The following MRPL1 variants were observed in gnomAD, a reference collection of about 807,000 sequenced individuals.
MRPL1 encodes large ribosomal subunit protein uL1m.
Under a neutral mutation model 38.0 loss-of-function variants are expected in MRPL1, and 28 were observed. That is an observed-to-expected ratio of 0.74 (90% CI 0.55 to 1.01). The LOEUF (loss-of-function observed/expected upper bound fraction) is 1.01, where lower values mean the gene tolerates loss of function less well. Among genes scored for constraint, MRPL1 ranks in the 50% least tolerant of loss-of-function variants. MRPL1 has a pLI of 0.00. For missense variants in MRPL1, 358 were observed against 389.8 expected, an observed-to-expected ratio of 0.92 and a Z score of 0.69; for synonymous variants, 123 against 126.7, an observed-to-expected ratio of 0.97 and a Z score of 0.20.
At chr4:77,868,580 GT>G (rs1218154941) in intron 1 of MRPL1, among the ~76,000 whole-genome samples, 5 of 152,166 alleles carry the variant, frequency 3.3e-5, no homozygotes, top group Admixed American at 2.6e-4. Flanking sequence ...CCTAAGTGCT[GT>G]GAAGGAAAAG....
intron 1 of MRPL1, among the ~76,000 whole-genome samples, chr4:77,867,778 A>G (rs1735182508): frequency 1.0e-5 from 1 of 98,206 alleles, no homozygotes; most frequent in East Asian, 3.0e-4. Flanking sequence ...TTTTTTTTAG[A>G]CGGAGTCTTG....
At chr4:77,903,453 T>G (rs959765373) in intron 6 of MRPL1, among the ~76,000 whole-genome samples, 1 of 152,220 alleles carries the variant, frequency 6.6e-6, no homozygotes, top group Non-Finnish European at 1.5e-5. Context: ...TCAGTGCTTA[T>G]GTTCAACATT....
chr4:77,925,041 G>T (rs185324720), intron 7 of MRPL1, among the ~76,000 whole-genome samples: 2 of 152,182 alleles, frequency 1.3e-5, no homozygotes, highest in Admixed American at 1.3e-4. Flanking sequence ...TCATCACCTA[G>T]ATTTACCAAT....
At chr4:77,922,112 G>T (rs562865003) in intron 7 of MRPL1, among the ~76,000 whole-genome samples, 10 of 152,164 alleles carry the variant, frequency 6.6e-5, no homozygotes, top group Non-Finnish European at 1.2e-4. Flanking sequence ...GTAAAAAAAA[G>T]AAAGTATTTT....
At chr4:77,885,116 G>T in intron 3 of MRPL1, 140 bp from the exon 4 acceptor site, 1 of 548,090 alleles carries the variant, frequency 1.8e-6, no homozygotes. Flanking sequence ...AGTAATCAAT[G>T]AATAGTTCTG....
At chr4:77,890,422 G>A (rs563909766) in intron 5 of MRPL1, among the ~76,000 whole-genome samples, 63 of 152,058 alleles carry the variant, frequency 4.1e-4, no homozygotes, top group Non-Finnish European at 8.2e-4. Flanking sequence ...AAAGACCTTC[G>A]ACAAAATTCA....
intron 6 of MRPL1, among the ~76,000 whole-genome samples, chr4:77,903,617 A>G (rs1736084494): frequency 6.6e-6 from 1 of 152,242 alleles, no homozygotes; most frequent in South Asian, 2.1e-4. Context: ...CATGCATGAA[A>G]ATCAGTGGTA....
rs1269804736 is a variant in MRPL1 at position 77,870,307 on chromosome 4, T to C, written c.32-1437T>C. ...CCAAGGTTGTTAGGTTCTTGTATAGTACAACTAGAATTGTTTGGAAGTGTT... is the reference window on the plus strand; with the variant it reads ...CCAAGGTTGTTAGGTTCTTGTATAGCACAACTAGAATTGTTTGGAAGTGTT... On this transcript the variant is annotated intron_variant, in intron 1 of 8. Transcript: ENST00000315567. 4.6e-5 allele frequency among the ~76,000 whole-genome samples: 7 copies of C among 152,358 alleles called. 1 individual carries two copies. In the South Asian group the frequency reaches 1.0e-3, roughly 23 times the overall value.
intron 6 of MRPL1, among the ~76,000 whole-genome samples, chr4:77,894,811 C>T (rs1368805657): frequency 6.6e-6 from 1 of 151,986 alleles, no homozygotes; most frequent in Non-Finnish European, 1.5e-5. Flanking sequence ...GGAGTTTACA[C>T]ATAGGTGAGG....
intron 7 of MRPL1, among the ~76,000 whole-genome samples, chr4:77,914,345 G>A (rs561812530): frequency 9.3e-4 from 141 of 152,198 alleles, no homozygotes; most frequent in African/African-American, 3.3e-3. Context: ...AGTGTGCATG[G>A]TCATATTGGG....
intron 2 of MRPL1, among the ~76,000 whole-genome samples, chr4:77,882,601 T>A (rs962288079): frequency 6.6e-6 from 1 of 152,228 alleles, no homozygotes; most frequent in Non-Finnish European, 1.5e-5. Flanking sequence ...TGTGACTGGC[T>A]TCTTTCACTT....
At chr4:77,939,255 C>T (rs1035019046) in intron 7 of MRPL1, among the ~76,000 whole-genome samples, 2 of 152,100 alleles carry the variant, frequency 1.3e-5, no homozygotes, top group African/African-American at 4.8e-5. Flanking sequence ...AAGGTGGTAT[C>T]GCATTGTGGT....
chr4:77,920,790 T>G (rs1396584846), intron 7 of MRPL1, among the ~76,000 whole-genome samples: 1 of 152,124 alleles, frequency 6.6e-6, no homozygotes, highest in Non-Finnish European at 1.5e-5. Context: ...CAGTGTCTTA[T>G]TTACTCTGTC....
intron 5 of MRPL1, among the ~76,000 whole-genome samples, chr4:77,891,212 T>A (rs2072570649): frequency 6.6e-6 from 1 of 152,042 alleles, no homozygotes; most frequent in South Asian, 2.1e-4. Flanking sequence ...AAATGTTTGG[T>A]AATTTGAGAA....
At chr4:77,941,133 C>T (rs1224672176) in intron 7 of MRPL1, among the ~76,000 whole-genome samples, 1 of 152,050 alleles carries the variant, frequency 6.6e-6, no homozygotes, top group Non-Finnish European at 1.5e-5. Context: ...GGCGTGGTGG[C>T]ACATGCCTGT....
intron 2 of MRPL1, among the ~76,000 whole-genome samples, 180 bp downstream of exon 2, chr4:77,872,035 A>G (rs1170867191): frequency 1.3e-5 from 2 of 152,226 alleles, no homozygotes; most frequent in East Asian, 1.9e-4. Flanking sequence ...CGTTTATTGA[A>G]CACTGATGTT....
intron 7 of MRPL1, among the ~76,000 whole-genome samples, chr4:77,909,653 T>C (rs1736242459): frequency 6.6e-6 from 1 of 152,208 alleles, no homozygotes; most frequent in African/African-American, 2.4e-5. Flanking sequence ...TGTATTTATG[T>C]ATTATATTTT....
At chr4:77,895,062 T>C (rs978670148) in intron 6 of MRPL1, among the ~76,000 whole-genome samples, 3 of 152,112 alleles carry the variant, frequency 2.0e-5, no homozygotes, top group Admixed American at 6.6e-5. Context: ...GAAAGGTAGA[T>C]TGATGCCGTA....
At chr4:77,936,178 T>A (rs1477845786) in intron 7 of MRPL1, among the ~76,000 whole-genome samples, 2 of 151,902 alleles carry the variant, frequency 1.3e-5, no homozygotes, top group South Asian at 4.2e-4. Flanking sequence ...ATTTTTTTTT[T>A]ATGTAATTGC....
Sources: allele counts gnomAD v4.1 joint callset (sites outside exome capture counted in the v4.1 genomes callset), GRCh38; gene constraint gnomAD v4.1.1; transcripts MANE v1.5; gene names NCBI Gene and HGNC (gene_info 2026-07-23, HGNC 2026-07-21).